The following SPIN1 variants were observed in gnomAD, a reference collection of about 807,000 sequenced individuals.
The protein encoded by SPIN1 is spindlin 1.
Under a neutral mutation model 26.0 loss-of-function variants are expected in SPIN1, and 3 were observed. That is an observed-to-expected ratio of 0.12 (90% confidence interval 0.05 to 0.30). SPIN1 has a LOEUF of 0.30. SPIN1 is among the 10% of genes least tolerant of loss of function. The pLI is 1.00. For synonymous variants in SPIN1, 101 were observed against 116.5 expected, an observed-to-expected ratio of 0.87 and a Z score of 0.86; for missense variants, 126 against 333.4, an observed-to-expected ratio of 0.38 and a Z score of 4.84.
At chr9:88,430,186 G>C (rs1827841746) in intron 2 of SPIN1, among the ~76,000 whole-genome samples, 1 of 152,308 alleles carries the variant, frequency 6.6e-6, no homozygotes, top group South Asian at 2.1e-4. Flanking sequence ...TTTCAGAGTT[G>C]GTTAGGTAGT....
At chr9:88,389,233 C>G (rs1352895921) in intron 1 of SPIN1, 2 of 152,226 alleles carry the variant, frequency 1.3e-5, no homozygotes, top group Admixed American at 1.3e-4. Flanking sequence ...GCGCGGCGAA[C>G]GGGTTGCGTG....
chr9:88,441,865 GTATAT>G (rs775211106), intron 2 of SPIN1, among the ~76,000 whole-genome samples: 4 of 147,088 alleles, frequency 2.7e-5, no homozygotes, highest in Non-Finnish European at 6.0e-5. Flanking sequence ...TATTATAATT[GTATAT>G]TATATGTTGT....
At chr9:88,446,642 A>G (rs546339317) in intron 2 of SPIN1, among the ~76,000 whole-genome samples, 1 of 152,066 alleles carries the variant, frequency 6.6e-6, no homozygotes, top group South Asian at 2.1e-4. Context: ...TCCTGACCTC[A>G]TGTGATCCAC....
intron 1 of SPIN1, among the ~76,000 whole-genome samples, chr9:88,393,624 T>G (rs1826984104): frequency 6.6e-6 from 1 of 151,344 alleles, no homozygotes; most frequent in Non-Finnish European, 1.5e-5. Flanking sequence ...CCTAGCTAAT[T>G]TTTGTATTTT....
chr9:88,389,975 T>A (rs1826884009), intron 1 of SPIN1, among the ~76,000 whole-genome samples: 1 of 152,184 alleles, frequency 6.6e-6, no homozygotes, highest in African/African-American at 2.4e-5. Context: ...TTGTAGTACC[T>A]GGTAATTTAC....
intron 5 of SPIN1, among the ~76,000 whole-genome samples, chr9:88,470,638 A>C (rs1828764224): frequency 6.9e-6 from 1 of 145,960 alleles, no homozygotes; most frequent in Non-Finnish European, 1.5e-5. Flanking sequence ...TCTGTCGCCC[A>C]GGCTGGAGTG....
chr9:88,394,014 A>T (rs901875044), intron 1 of SPIN1, among the ~76,000 whole-genome samples: 13 of 151,568 alleles, frequency 8.6e-5, no homozygotes, highest in Admixed American at 6.6e-4. Flanking sequence ...TGCCTGGCAA[A>T]TTTTTTGTAT....
intron 1 of SPIN1, among the ~76,000 whole-genome samples, chr9:88,399,457 G>T (rs1363642665): frequency 1.3e-5 from 2 of 152,172 alleles, no homozygotes; most frequent in Admixed American, 6.5e-5. Context: ...GAAGCCACAG[G>T]CAAGGTACAT....
intron 2 of SPIN1, among the ~76,000 whole-genome samples, chr9:88,445,227 C>G (rs1301047257): frequency 6.6e-6 from 1 of 151,846 alleles, no homozygotes; most frequent in Non-Finnish European, 1.5e-5. Context: ...CTTTTCTGAC[C>G]TCCTTCCATC....
Position 88,478,446 on chromosome 9 carries a change from T to G in SPIN1, c.*3169T>G, listed in dbSNP as rs1006684227. ...TTGTGTTTTTCCATCATTAGTGCAGTTGGAATGAATGTGTATAGGTCAGAG... is the reference window on the plus strand; with the variant it reads ...TTGTGTTTTTCCATCATTAGTGCAGGTGGAATGAATGTGTATAGGTCAGAG... On this transcript the variant is annotated 3_prime_UTR_variant, in exon 6 of 6. Transcript: ENST00000375859. The G allele has an allele frequency of 1.3e-5, 2 of 152,650 alleles. No individual in the cohort carries two copies. The highest frequency in any genetic ancestry group is 4.8e-5 in the African/African-American group (2 of 41,458). 9.5% of individuals were successfully genotyped at this position (152,650 alleles called of 1,614,324 possible). A position where few individuals can be genotyped will look rare whatever the true frequency, so the allele number is the denominator to read the frequency against.
chr9:88,434,408 C>T (rs964090703), intron 2 of SPIN1, among the ~76,000 whole-genome samples: 2 of 118,448 alleles, frequency 1.7e-5, no homozygotes, highest in Non-Finnish European at 3.3e-5. Context: ...TTTATAAATT[C>T]ATTTTATAAA....
At chr9:88,409,304 T>G (rs1161592259) in intron 1 of SPIN1, among the ~76,000 whole-genome samples, 1 of 151,898 alleles carries the variant, frequency 6.6e-6, no homozygotes, top group Non-Finnish European at 1.5e-5. Flanking sequence ...CTGCTTTTCT[T>G]TTTTCTTGTT....
chr9:88,471,669 A>AG (rs1463346326), intron 5 of SPIN1, among the ~76,000 whole-genome samples: 2 of 151,210 alleles, frequency 1.3e-5, no homozygotes, highest in South Asian at 4.2e-4. Flanking sequence ...AAAAAAAAAA[A>AG]AAAAAAAAAA....
In SPIN1 at chr9:88,473,663, A is replaced by ATGTG. The variant is rs758536638; in HGVS notation, c.590-1415_590-1414insTGTG. On this transcript the variant is annotated intron_variant, in intron 5 of 5. Transcript: ENST00000375859. ...CAAACTTGTGTGTGTGTGTGTGTGCACGCGCTATGGAAGCTTATTACCTTT... is the reference window on the plus strand; with the variant it reads ...CAAACTTGTGTGTGTGTGTGTGTGCATGTGCGCGCTATGGAAGCTTATTACCTTT... Among the ~76,000 whole-genome samples, 278 of 151,618 alleles carry ATGTG rather than the reference A, an allele frequency of 1.8e-3. 3 individuals are homozygous for ATGTG. The highest frequency in any genetic ancestry group is 3.7e-3 in the Admixed American group (56 of 15,238).
intron 2 of SPIN1, among the ~76,000 whole-genome samples, chr9:88,438,358 C>T (rs1444376094): frequency 6.6e-6 from 1 of 152,080 alleles, no homozygotes; most frequent in East Asian, 1.9e-4. Flanking sequence ...TGAGATTTTT[C>T]AGCCATCTCT....
intron 1 of SPIN1, among the ~76,000 whole-genome samples, chr9:88,393,220 T>C (rs544974475): frequency 3.4e-4 from 52 of 151,086 alleles, no homozygotes; most frequent in Non-Finnish European, 5.7e-4. Flanking sequence ...AGAGAATACA[T>C]GAAAAGACTA....
rs965243739 is a variant in SPIN1, at chr9:88,406,043, A to G, written c.-159+17505A>G. Reference sequence around the variant, plus strand: ...TGTGTGTGTGTGTGTGTGTGTGTGTACGTGTACGTGTAGAGATAGGGTTTT... The same window carrying G: ...TGTGTGTGTGTGTGTGTGTGTGTGTGCGTGTACGTGTAGAGATAGGGTTTT... On this transcript the variant is annotated intron_variant, in intron 1 of 5. Transcript: ENST00000375859. 2.6e-4 allele frequency among the ~76,000 whole-genome samples: 32 copies of G among 121,228 alleles called. 2 individuals are homozygous for G. The highest frequency in any genetic ancestry group is 6.1e-4 in the African/African-American group (22 of 36,030). 79.5% of individuals were successfully genotyped at this position (121,228 alleles called of 152,430 possible). A position where few individuals can be genotyped will look rare whatever the true frequency, so the allele number is the denominator to read the frequency against.
intron 1 of SPIN1, among the ~76,000 whole-genome samples, chr9:88,413,458 A>G (rs1279356601): frequency 1.3e-5 from 2 of 151,528 alleles, no homozygotes; most frequent in Non-Finnish European, 2.9e-5. Context: ...ATTTTGGCTT[A>G]CTGCAACCTC....
At chr9:88,448,192 C>T (rs1286266441) in intron 2 of SPIN1, among the ~76,000 whole-genome samples, 2 of 151,750 alleles carry the variant, frequency 1.3e-5, no homozygotes, top group African/African-American at 2.4e-5. Context: ...TACAGGCATA[C>T]GCCACCACGC....
Sources: allele counts gnomAD v4.1 joint callset (sites outside exome capture counted in the v4.1 genomes callset), GRCh38; gene constraint gnomAD v4.1.1; transcripts MANE v1.5; gene names NCBI Gene and HGNC (gene_info 2026-07-23, HGNC 2026-07-21).